Variants in SHC3 observed in about 807,000 individuals in gnomAD.
SHC3 encodes the protein SHC-transforming protein 3.
In SHC3, 15 loss-of-function variants were observed where a neutral mutation model predicts 60.4. The observed-to-expected ratio is 0.25, with a 90% CI of 0.17 to 0.38. The LOEUF (loss-of-function observed/expected upper bound fraction) is 0.38. Among genes scored for constraint, SHC3 ranks in the 10% least tolerant of loss-of-function variants. The pLI is 1.00. For synonymous variants in SHC3, 294 were observed against 325.9 expected, an observed-to-expected ratio of 0.90 and a Z score of 1.05; for missense variants, 677 against 786.1, an observed-to-expected ratio of 0.86 and a Z score of 1.66.
chr9:89,113,747 A>G (rs1469036031), intron 1 of SHC3, among the ~76,000 whole-genome samples: 1 of 152,206 alleles, frequency 6.6e-6, no homozygotes, highest in African/African-American at 2.4e-5. Flanking sequence ...CCACAAAAAC[A>G]TCATCATGGA....
At chr9:89,139,118 T>C (rs1431422302) in intron 1 of SHC3, among the ~76,000 whole-genome samples, 1 of 152,208 alleles carries the variant, frequency 6.6e-6, no homozygotes, top group African/African-American at 2.4e-5. Flanking sequence ...TGTTAGCTGA[T>C]TCTAATGCAC....
At chr9:89,146,312 G>T (rs62547214) in intron 1 of SHC3, among the ~76,000 whole-genome samples, 1 of 151,726 alleles carries the variant, frequency 6.6e-6, no homozygotes, top group Non-Finnish European at 1.5e-5. Context: ...AGCTGAGATC[G>T]CGCCACTGCA....
At chr9:89,065,891 T>C (rs1332250526) in intron 5 of SHC3, among the ~76,000 whole-genome samples, 1 of 152,118 alleles carries the variant, frequency 6.6e-6, no homozygotes, top group African/African-American at 2.4e-5. Context: ...TGGTTAGAAG[T>C]CCACTTACAC....
At chr9:89,014,196 T>C (rs1319846625) in intron 11 of SHC3, among the ~76,000 whole-genome samples, 1 of 152,344 alleles carries the variant, frequency 6.6e-6, no homozygotes, top group South Asian at 2.1e-4. Flanking sequence ...TCCGTGTTCC[T>C]GGGCTTTCAA....
At chr9:89,132,379 C>G (rs149321277) in intron 1 of SHC3, among the ~76,000 whole-genome samples, 1 of 151,914 alleles carries the variant, frequency 6.6e-6, no homozygotes, top group Non-Finnish European at 1.5e-5. Context: ...AAGCTATCGA[C>G]GACTTTCTTC....
chr9:89,122,090 C>G (rs896398792), intron 1 of SHC3, among the ~76,000 whole-genome samples: 11 of 152,286 alleles, frequency 7.2e-5, no homozygotes, highest in African/African-American at 2.6e-4. Flanking sequence ...CAAGCATTCC[C>G]TATTAAATTT....
chr9:89,160,479 C>G (rs980152462), intron 1 of SHC3, among the ~76,000 whole-genome samples: 5 of 152,356 alleles, frequency 3.3e-5, no homozygotes, highest in Middle Eastern at 3.4e-3. Flanking sequence ...CCCTGCGCCT[C>G]TTTAACAACC....
rs1825938840 is a variant in SHC3 at position 89,006,286 on chromosome 9, C to T, written c.*7161G>A. On this transcript the variant is annotated 3_prime_UTR_variant, in exon 12 of 12. Transcript: ENST00000375835. ...CATTTCCTGACAGAGTGAAGGAATC[C>T]CTGTGGATTTATCAAAAGGGAGGAG... 6.6e-6 allele frequency: 1 copy of T among 152,196 alleles called. No individual in the cohort carries two copies. The highest frequency in any genetic ancestry group is 1.5e-5 in the Non-Finnish European group (1 of 68,036). 9.4% of individuals were successfully genotyped at this position (152,196 alleles called of 1,614,324 possible).
intron 2 of SHC3, among the ~76,000 whole-genome samples, chr9:89,084,423 G>T (rs1222613725): frequency 2.6e-5 from 4 of 152,198 alleles, no homozygotes; most frequent in Admixed American, 1.3e-4. Context: ...TGCTGAAAGA[G>T]ATCTCAGAAA....
chr9:89,030,242 T>C (rs555692030), intron 11 of SHC3, among the ~76,000 whole-genome samples: 2 of 152,204 alleles, frequency 1.3e-5, no homozygotes, highest in East Asian at 3.9e-4. Flanking sequence ...GCAAAATTAA[T>C]AGGAATAAAA....
intron 2 of SHC3, among the ~76,000 whole-genome samples, chr9:89,079,166 A>T (rs1042621894): frequency 6.6e-6 from 1 of 152,190 alleles, no homozygotes; most frequent in African/African-American, 2.4e-5. Flanking sequence ...AATGTTTTTG[A>T]TGTTTATGCT....
intron 1 of SHC3, among the ~76,000 whole-genome samples, chr9:89,118,486 T>C (rs1409771839): frequency 6.6e-6 from 1 of 151,838 alleles, no homozygotes; most frequent in Non-Finnish European, 1.5e-5. Flanking sequence ...CAAAACAAAA[T>C]GTTTAGTGTT....
intron 4 of SHC3, among the ~76,000 whole-genome samples, chr9:89,071,478 G>A (rs535669814): frequency 2.0e-4 from 31 of 152,338 alleles, no homozygotes; most frequent in African/African-American, 7.2e-4. Context: ...CCTCGCTGCA[G>A]CCTGTGATGT....
intron 1 of SHC3, among the ~76,000 whole-genome samples, chr9:89,139,726 T>C (rs1826366110): frequency 1.3e-5 from 2 of 152,186 alleles, no homozygotes; most frequent in South Asian, 4.2e-4. Context: ...CAAATCAAGT[T>C]TGATTCCTTA....
chr9:89,120,698 A>G (rs1826079875), intron 1 of SHC3, among the ~76,000 whole-genome samples: 3 of 152,220 alleles, frequency 2.0e-5, no homozygotes, highest in Admixed American at 6.5e-5. Context: ...GTGTAAGTGC[A>G]TAAAACCATA....
chr9:89,178,512 G>A lies in SHC3; in HGVS notation c.-52C>T, dbSNP rs758356775. 77 of 1,406,180 alleles carry A rather than the reference G, an allele frequency of 5.5e-5. No homozygotes were observed. The African/African-American group carries it at 1.1e-3, about 20-fold the overall frequency. 87.1% of individuals were successfully genotyped at this position (1,406,180 alleles called of 1,614,324 possible). On this transcript the variant is annotated 5_prime_UTR_variant, in exon 1 of 12. Transcript: ENST00000375835. The surrounding 1 kb of genome is among the most constrained non-coding windows in gnomAD (Gnocchi z 6.9). ...CCCGGGCGCTGCTGGTGCCGGCCCC[G>A]GCGCGGGCTGCCGCGCATAGCAGGC...
chr9:89,060,645 A>G (rs4877046), intron 6 of SHC3, among the ~76,000 whole-genome samples: 133,707 of 151,944 alleles, frequency 0.88, 59,079 homozygotes, highest in East Asian at 1. Flanking sequence ...AGCTCACAGA[A>G]GGTCCTGTGG....
chr9:89,156,780 G>T (rs1340233899), intron 1 of SHC3, among the ~76,000 whole-genome samples: 1 of 152,074 alleles, frequency 6.6e-6, no homozygotes, highest in African/African-American at 2.4e-5. Flanking sequence ...CTTCCTGAGG[G>T]GCCTGGAGAA....
rs191527311 is a variant in SHC3, at chr9:89,048,765, T to C, written c.963-1771A>G. Among the ~76,000 whole-genome samples the C allele has an allele frequency of 4.5e-3, 684 of 152,320 alleles. 19 individuals are homozygous for C. The highest frequency in any genetic ancestry group is 0.039 in the Admixed American group (602 of 15,304). On this transcript the variant is annotated intron_variant, in intron 7 of 11. Coordinates refer to ENST00000375835, the MANE Select transcript of SHC3 (RefSeq NM_016848.6). ...TGGAACAGCTGGATGCAGTGTGGGT[T>C]CTCTCATGTTCCCAGGCTGCACCCT...
Sources: allele counts gnomAD v4.1 joint callset (sites outside exome capture counted in the v4.1 genomes callset), GRCh38; gene constraint gnomAD v4.1.1; non-coding constraint Gnocchi (gnomAD v3.1); transcripts MANE v1.5; gene names NCBI Gene and HGNC (gene_info 2026-07-23, HGNC 2026-07-21).